ZNRF2: variants seen among roughly 807,000 people sequenced by gnomAD.
ZNRF2 encodes zinc and ring finger 2.
In ZNRF2, 16 loss-of-function variants were observed where a neutral mutation model predicts 20.4. The ratio of observed to expected loss-of-function variants is 0.79; its 90% CI spans 0.53 to 1.19. The LOEUF is 1.19. Ranked by LOEUF, ZNRF2 falls within the 50% of genes most tolerant of loss-of-function variation. The probability of loss-of-function intolerance (pLI) is 0.00; values close to 1 mark genes in which losing one functional copy is unlikely to be tolerated. For synonymous variants in ZNRF2, 178 were observed against 144.9 expected (o/e 1.23, Z -1.64); for missense variants, 363 against 332.4 (o/e 1.09, Z -0.72).
intron 1 of ZNRF2, among the ~76,000 whole-genome samples, chr7:30,296,178 T>A (rs1799017156): frequency 6.6e-6 from 1 of 152,168 alleles, no homozygotes; most frequent in Non-Finnish European, 1.5e-5. Context: ...TAGAAAGAAG[T>A]GGTAGGTTAT....
At chr7:30,295,048 A>AGTGTGTGTGT (rs1562603702) in intron 1 of ZNRF2, among the ~76,000 whole-genome samples, 16 of 79,106 alleles carry the variant, frequency 2.0e-4, no homozygotes, top group East Asian at 4.0e-4. Context: ...AGAGAGAGAG[A>AGTGTGTGTGT]GAGTGTGTGT....
At chr7:30,327,025 G>T (rs1799563373) in intron 2 of ZNRF2, among the ~76,000 whole-genome samples, 1 of 151,996 alleles carries the variant, frequency 6.6e-6, no homozygotes, top group Admixed American at 6.6e-5. Context: ...ATATATGCTG[G>T]ATATTAAACC....
chr7:30,314,871 C>T (rs182048632), intron 1 of ZNRF2, among the ~76,000 whole-genome samples: 3 of 151,354 alleles, frequency 2.0e-5, no homozygotes, highest in Non-Finnish European at 4.4e-5. Context: ...GGCTGGAGTG[C>T]AGTGACACAA....
chr7:30,299,277 A>G (rs1051592774), intron 1 of ZNRF2, among the ~76,000 whole-genome samples: 4 of 151,996 alleles, frequency 2.6e-5, no homozygotes, highest in Non-Finnish European at 5.9e-5. Context: ...AAATTAGCCG[A>G]GCGTAGTGAC....
At chr7:30,293,867 C>T (rs186287269) in intron 1 of ZNRF2, among the ~76,000 whole-genome samples, 32 of 152,144 alleles carry the variant, frequency 2.1e-4, no homozygotes, top group Admixed American at 8.5e-4. Flanking sequence ...TCATAAGTTC[C>T]GACCATGTGG....
chr7:30,293,989 GTTAT>G lies in ZNRF2; in HGVS notation c.469+8170_469+8173del, dbSNP rs149766798. On this transcript the variant is annotated intron_variant, in intron 1 of 4. Transcript: ENST00000323037. ...GAATGAAGCCATGCATACATAATGGGTTATTTATTTTTATTTTTATTGTCTTTTT... is the reference window on the plus strand; with the variant it reads ...GAATGAAGCCATGCATACATAATGGGTTATTTTTATTTTTATTGTCTTTTT... Among the ~76,000 whole-genome samples the G allele has an allele frequency of 6.6e-3, 1,011 of 152,170 alleles. 16 individuals carry two copies. The highest frequency in any genetic ancestry group is 0.023 in the African/African-American group (971 of 41,510).
At chr7:30,321,216 C>T (rs6959139) in intron 1 of ZNRF2, among the ~76,000 whole-genome samples, 4,487 of 151,988 alleles carry the variant, frequency 0.03, 165 homozygotes, top group African/African-American at 0.088. Flanking sequence ...TTGGGGACCT[C>T]GGGATCTGTT....
rs555121720 is a variant in ZNRF2, at chr7:30,318,950, A to G, written c.470-4692A>G. ...AACATGGCAAAACCCCATCTCTACT[A>G]AAAATACAAAAATTAGCTGGGTGTG... On this transcript the variant is annotated intron_variant, in intron 1 of 4. Coordinates refer to ENST00000323037, the MANE Select transcript of ZNRF2 (RefSeq NM_147128.4). Among the ~76,000 whole-genome samples the G allele has an allele frequency of 4.6e-5, 7 of 152,108 alleles. No individual in the cohort carries two copies. The East Asian group carries it at 1.4e-3, about 29-fold the overall frequency.
intron 2 of ZNRF2, among the ~76,000 whole-genome samples, chr7:30,343,348 T>C (rs1327009110): frequency 6.6e-6 from 1 of 152,110 alleles, no homozygotes; most frequent in Non-Finnish European, 1.5e-5. Flanking sequence ...AATTTAATGC[T>C]ACTGCACTTC....
At chr7:30,321,525 T>C (rs1158123042) in intron 1 of ZNRF2, among the ~76,000 whole-genome samples, 1 of 152,188 alleles carries the variant, frequency 6.6e-6, no homozygotes, top group East Asian at 1.9e-4. Flanking sequence ...TAATTCACTG[T>C]ATTTAACTAG....
chr7:30,342,605 A>AT (rs1197535481), intron 2 of ZNRF2, among the ~76,000 whole-genome samples: 4 of 151,710 alleles, frequency 2.6e-5, no homozygotes, highest in African/African-American at 9.7e-5. Context: ...TTAGTCTATC[A>AT]TTTTTCTGTT....
chr7:30,304,529 A>G (rs189003429), intron 1 of ZNRF2, among the ~76,000 whole-genome samples: 10 of 152,370 alleles, frequency 6.6e-5, no homozygotes, highest in African/African-American at 2.4e-4. Context: ...CTTGTGAGGC[A>G]AAAACCATTG....
chr7:30,329,132 A>G (rs1274931308), intron 2 of ZNRF2, among the ~76,000 whole-genome samples: 1 of 152,130 alleles, frequency 6.6e-6, no homozygotes, highest in Non-Finnish European at 1.5e-5. Context: ...TTATTAGCAA[A>G]TTCTTAGTTT....
rs74649085 is a variant in ZNRF2 at position 30,314,097 on chromosome 7, G to C, written c.470-9545G>C. 7.9e-4 allele frequency among the ~76,000 whole-genome samples: 121 copies of C among 152,240 alleles called. 1 individual carries two copies. The highest frequency in any genetic ancestry group is 2.7e-3 in the East Asian group (14 of 5,190). Reference sequence around the variant, plus strand: ...GTTTAGTTCTTTCCCTTCATCAGCTGTTTGATAAGAGCAATCACGTTGTAC... The same window carrying C: ...GTTTAGTTCTTTCCCTTCATCAGCTCTTTGATAAGAGCAATCACGTTGTAC... On this transcript the variant is annotated intron_variant, in intron 1 of 4. Coordinates refer to ENST00000323037, the MANE Select transcript of ZNRF2 (RefSeq NM_147128.4).
intron 2 of ZNRF2, among the ~76,000 whole-genome samples, chr7:30,330,423 A>G (rs964309804): frequency 6.6e-6 from 1 of 152,176 alleles, no homozygotes; most frequent in Non-Finnish European, 1.5e-5. Flanking sequence ...ATGATGAAAA[A>G]AGCTGCCAAT....
intron 1 of ZNRF2, among the ~76,000 whole-genome samples, chr7:30,302,577 G>A (rs1364758077): frequency 6.6e-6 from 1 of 151,300 alleles, no homozygotes; most frequent in Non-Finnish European, 1.5e-5. Flanking sequence ...CCAAATTAGT[G>A]TATATATGTA....
chr7:30,348,578 A>C (rs1799914815), intron 2 of ZNRF2, among the ~76,000 whole-genome samples: 1 of 152,174 alleles, frequency 6.6e-6, no homozygotes. Context: ...ATTCATCTGA[A>C]TACCTATATT....
chr7:30,327,734 G>A (rs534014291), intron 2 of ZNRF2, among the ~76,000 whole-genome samples: 161 of 151,770 alleles, frequency 1.1e-3, no homozygotes, highest in African/African-American at 3.6e-3. Context: ...TGTGTTGCCC[G>A]GGCTGGAGCT....
At chr7:30,339,143 A>C (rs1434433982) in intron 2 of ZNRF2, among the ~76,000 whole-genome samples, 1 of 150,832 alleles carries the variant, frequency 6.6e-6, no homozygotes, top group Admixed American at 6.6e-5. Flanking sequence ...TGTAAATTTA[A>C]GTTGTTTATA....
Sources: gnomAD v4.1 joint callset for allele counts (sites outside exome capture counted in the v4.1 genomes callset) on GRCh38, gnomAD v4.1.1 for gene constraint, MANE v1.5 for transcripts, NCBI Gene and HGNC (gene_info 2026-07-23, HGNC 2026-07-21) for gene names.